Variants in DOCK10 observed in about 807,000 individuals in gnomAD.
DOCK10 encodes the protein dedicator of cytokinesis protein 10.
A neutral mutation model predicts 280.1 loss-of-function variants in DOCK10; 145 were observed. The ratio of observed to expected loss-of-function variants is 0.52; its 90% CI spans 0.45 to 0.59. DOCK10 has a LOEUF of 0.59. Ranked by LOEUF, DOCK10 falls within the 20% of genes least tolerant of loss-of-function variation. The pLI is 0.00. For missense variants in DOCK10, 2,368 were observed against 2,651.7 expected, an observed-to-expected ratio of 0.89 and a Z score of 2.35; for synonymous variants, 915 against 942.2, an observed-to-expected ratio of 0.97 and a Z score of 0.53.
At chr2:225,040,210 A>T (rs1690381531) in intron 1 of DOCK10, among the ~76,000 whole-genome samples, 1 of 152,086 alleles carries the variant, frequency 6.6e-6, no homozygotes, top group South Asian at 2.1e-4. Context: ...AGCTCAGAGA[A>T]CTCATCACCT....
rs191671658 is a variant in DOCK10 at position 224,959,766 on chromosome 2, C to T, written c.124-28098G>A. On this transcript the variant is annotated intron_variant, in intron 1 of 55. Coordinates refer to ENST00000258390, the MANE Select transcript of DOCK10 (RefSeq NM_014689.3). ...CATCTCATTACTTTCGCCTTGAATA[C>T]AGCTGCAAAACGGAAGCCGACACTG... 1.5e-3 allele frequency among the ~76,000 whole-genome samples: 223 copies of T among 152,314 alleles called. 1 individual carries two copies. Among genetic ancestry groups the T allele is most frequent in the Non-Finnish European group, 2.7e-3 (182 of 68,034 alleles).
chr2:224,793,010 C>T lies in DOCK10; in HGVS notation c.5275G>A (p.Asp1759Asn). ...GGAGTTGTTAGTAATGAGTTGCTAT[C>T]ACAGGGGTGGGTATCCTCCGAGAGC... is the stretch of plus-strand genomic sequence containing the variant. ...SLLSEDTHPCDSNSLLTTPSG... is the reference protein window; with the variant it reads ...SLLSEDTHPCNSNSLLTTPSG... Residue 1759 changes from aspartate (D) to asparagine (N), a missense_variant, in exon 47 of 56, where the codon GAT becomes AAT. Transcript: ENST00000258390. The T allele has an allele frequency of 6.2e-7, 1 of 1,613,758 alleles. No individual in the cohort carries two copies. The highest frequency in any genetic ancestry group is 8.5e-7 in the Non-Finnish European group (1 of 1,179,756).
chr2:224,918,427 C>A (rs542091652), intron 2 of DOCK10, among the ~76,000 whole-genome samples: 2 of 141,792 alleles, frequency 1.4e-5, no homozygotes, highest in Non-Finnish European at 3.1e-5. Flanking sequence ...CATTTGAGTG[C>A]GTGTGTTCGT....
rs780830217 is a variant in DOCK10 at position 224,852,439 on chromosome 2, G to T, written c.2080C>A (p.Arg694=). The stretch of plus-strand genomic sequence containing the variant: ...AATTCAATGCACACAGTTATATTCC[G>T]TGCCTGAAATTACGGAGAGAAAAAA... ...YDSQKCFNKA[R]NITVCIEFKN... is the part of the protein sequence containing the mutation. Residue 694 remains arginine, a synonymous_variant, in exon 18 of 56, where the codon CGG becomes AGG. Coordinates refer to ENST00000258390, the MANE Select transcript of DOCK10 (RefSeq NM_014689.3). The T allele has an allele frequency of 4.5e-6, 7 of 1,557,624 alleles. No homozygotes were observed. Among genetic ancestry groups the T allele is most frequent in the Non-Finnish European group, 1.7e-6 (2 of 1,149,628 alleles).
intron 1 of DOCK10, among the ~76,000 whole-genome samples, chr2:224,985,540 G>A (rs1251018872): frequency 6.6e-6 from 1 of 151,670 alleles, no homozygotes; most frequent in Non-Finnish European, 1.5e-5. Context: ...AGGATGGAGG[G>A]AGATGTTTTT....
rs748522884 is a variant in DOCK10, at chr2:224,807,911, T to A, written c.3585A>T (p.Pro1195=). The A allele has an allele frequency of 1.2e-6, 2 of 1,610,226 alleles. No individual in the cohort carries two copies. Among genetic ancestry groups the A allele is most frequent in the African/African-American group, 2.7e-5 (2 of 74,952 alleles). The change falls in exon 32 of 56, where the codon CCA becomes CCT. Residue 1195 remains proline, a splice_region_variant and synonymous_variant. Coordinates refer to ENST00000258390, the MANE Select transcript of DOCK10 (RefSeq NM_014689.3). ...GAAGGGAGAAAGGAAGATCACTTAC[T>A]GGCTCTCTGTATCGATCATCAAATG... ...KHSFDDRYRE[P]RKQAQIASLY... is the part of the protein sequence containing the mutation.
At chr2:224,912,357 ACTC>A (rs1701069546) in intron 3 of DOCK10, among the ~76,000 whole-genome samples, 1 of 151,682 alleles carries the variant, frequency 6.6e-6, no homozygotes, top group South Asian at 2.1e-4. Flanking sequence ...CTGGTCTCAA[ACTC>A]CTGAGCTCAG....
intron 1 of DOCK10, among the ~76,000 whole-genome samples, chr2:224,995,927 C>T (rs1161628969): frequency 6.6e-6 from 1 of 152,166 alleles, no homozygotes; most frequent in East Asian, 1.9e-4. Context: ...TTTAGGTAAA[C>T]TTCTACATGG....
intron 4 of DOCK10, among the ~76,000 whole-genome samples, chr2:224,889,082 G>C (rs1403173927): frequency 6.6e-6 from 1 of 152,192 alleles, no homozygotes; most frequent in African/African-American, 2.4e-5. Flanking sequence ...AACGGTATTT[G>C]TTTTAAGATT....
chr2:225,035,548 A>ATATATATATATATATATATATATAT (rs1690206786), intron 1 of DOCK10, among the ~76,000 whole-genome samples: 1 of 15,108 alleles, frequency 6.6e-5, no homozygotes, highest in Non-Finnish European at 1.4e-4. Flanking sequence ...TATATTATAT[A>ATATATATATATATATATATATATAT]TATATATATA....
At chr2:224,951,925 A>T (rs116778355) in intron 1 of DOCK10, among the ~76,000 whole-genome samples, 2,258 of 152,298 alleles carry the variant, frequency 0.015, 38 homozygotes, top group Middle Eastern at 0.048. Flanking sequence ...CCCTGACTCA[A>T]GGACCCTTTC....
chr2:225,031,356 C>A (rs774167743), intron 1 of DOCK10, among the ~76,000 whole-genome samples: 26 of 152,194 alleles, frequency 1.7e-4, no homozygotes, highest in Non-Finnish European at 3.4e-4. Context: ...AAATAAAGTC[C>A]TCACCATGCC....
intron 2 of DOCK10, among the ~76,000 whole-genome samples, chr2:224,920,887 G>A (rs563487657): frequency 2.3e-4 from 34 of 150,850 alleles, no homozygotes; most frequent in African/African-American, 6.6e-4. Flanking sequence ...TATTTTGCAT[G>A]TGACACAACC....
intron 29 of DOCK10, among the ~76,000 whole-genome samples, chr2:224,818,053 A>G (rs12104577): frequency 0.03 from 4,636 of 152,280 alleles, 83 homozygotes; most frequent in Middle Eastern, 0.048. Context: ...CACTTCCTCT[A>G]TGGAAGGTGA....
At chr2:225,041,282 A>T (rs1373995263) in intron 1 of DOCK10, among the ~76,000 whole-genome samples, 1 of 152,200 alleles carries the variant, frequency 6.6e-6, no homozygotes, top group Non-Finnish European at 1.5e-5. Context: ...AAAATGAAAC[A>T]CACAACCCGG....
chr2:225,013,592 C>A (rs553731096), intron 1 of DOCK10, among the ~76,000 whole-genome samples: 7 of 152,248 alleles, frequency 4.6e-5, no homozygotes, highest in South Asian at 4.1e-4. Context: ...TGTTAATCAA[C>A]CAACCAACCT....
At chr2:225,006,919 G>T (rs1689284799) in intron 1 of DOCK10, among the ~76,000 whole-genome samples, 1 of 152,200 alleles carries the variant, frequency 6.6e-6, no homozygotes, top group Non-Finnish European at 1.5e-5. Context: ...AGATTACACT[G>T]AGGTGTGCTG....
intron 19 of DOCK10, among the ~76,000 whole-genome samples, chr2:224,849,062 G>A (rs906279947): frequency 2.0e-5 from 3 of 152,012 alleles, no homozygotes; most frequent in Non-Finnish European, 4.4e-5. Flanking sequence ...CACAATCTCC[G>A]ACTCCCTGGT....
intron 53 of DOCK10, 37 bp downstream of exon 53, chr2:224,773,120 G>A (rs772652148): frequency 5.9e-6 from 9 of 1,533,402 alleles, no homozygotes; most frequent in East Asian, 2.3e-5. Context: ...GGTTTCATTG[G>A]CCATGTGCAT....
Sources: gnomAD v4.1 joint callset for allele counts (sites outside exome capture counted in the v4.1 genomes callset) on GRCh38, gnomAD v4.1.1 for gene constraint, MANE v1.5 for transcripts, NCBI Gene and HGNC (gene_info 2026-07-23, HGNC 2026-07-21) for gene names.